The following PRKG2 variants were observed in gnomAD, a reference collection of about 807,000 sequenced individuals.
The protein encoded by PRKG2 is protein kinase cGMP-dependent 2, also known as cGMP-dependent protein kinase 2.
In PRKG2, 33 loss-of-function variants were observed where a neutral mutation model predicts 97.2. The observed-to-expected ratio is 0.34, with a 90% CI of 0.26 to 0.45. The LOEUF (loss-of-function observed/expected upper bound fraction) is 0.45. Ranked by LOEUF, PRKG2 falls within the 20% of genes least tolerant of loss-of-function variation. The pLI is 1.00. For synonymous variants in PRKG2, 330 were observed against 321.8 expected (o/e 1.03, Z -0.27); for missense variants, 638 against 900.0 (o/e 0.71, Z 3.73).
chr4:81,117,010 T>TTTTTTTTAG (rs1744607499), intron 14 of PRKG2, among the ~76,000 whole-genome samples: 1 of 143,858 alleles, frequency 7.0e-6, no homozygotes, highest in African/African-American at 2.7e-5. Flanking sequence ...TTTTTTTTTT[T>TTTTTTTTAG]GAGACAGGGT....
intron 2 of PRKG2, among the ~76,000 whole-genome samples, chr4:81,199,124 TAAAA>T (rs1753139773): frequency 6.6e-6 from 1 of 152,170 alleles, no homozygotes; most frequent in African/African-American, 2.4e-5. Context: ...TATACACTCT[TAAAA>T]ATCTTTAATT....
intron 17 of PRKG2, among the ~76,000 whole-genome samples, chr4:81,102,872 C>A (rs1465070594): frequency 1.3e-5 from 2 of 152,220 alleles, no homozygotes; most frequent in Non-Finnish European, 2.9e-5. Context: ...TATGTTCATA[C>A]CATGTTGATG....
intron 1 of PRKG2, among the ~76,000 whole-genome samples, chr4:81,208,237 T>TA (rs1419487308): frequency 1.3e-5 from 2 of 152,186 alleles, no homozygotes; most frequent in African/African-American, 4.8e-5. Flanking sequence ...CTATGATTAT[T>TA]ACGTTTGTAA....
At chr4:81,157,704 C>T (rs1446604241) in intron 6 of PRKG2, among the ~76,000 whole-genome samples, 1 of 151,924 alleles carries the variant, frequency 6.6e-6, no homozygotes, top group Non-Finnish European at 1.5e-5. Flanking sequence ...AAACCGAATC[C>T]AGCAGCACAT....
intron 6 of PRKG2, 34 bp from the exon 7 acceptor site, chr4:81,153,755 C>A (rs751875331): frequency 1.3e-6 from 2 of 1,516,340 alleles, no homozygotes; most frequent in South Asian, 2.3e-5. Context: ...AATGTAAGAG[C>A]GGGTGGAGCC....
chr4:81,174,634 CCAT>C (rs1750766436), intron 3 of PRKG2, among the ~76,000 whole-genome samples, 156 bp downstream of exon 3: 1 of 152,048 alleles, frequency 6.6e-6, no homozygotes, highest in Non-Finnish European at 1.5e-5. Flanking sequence ...TTAAACATTA[CCAT>C]CATCATGATT....
chr4:81,092,141 G>A (rs1004463722), intron 18 of PRKG2, among the ~76,000 whole-genome samples: 3 of 151,598 alleles, frequency 2.0e-5, no homozygotes. Context: ...GACTACTTTG[G>A]GACTTAAGTG....
intron 17 of PRKG2, among the ~76,000 whole-genome samples, chr4:81,098,320 G>T (rs867458566): frequency 1.0e-5 from 1 of 99,768 alleles, no homozygotes; most frequent in African/African-American, 1.2e-4. Context: ...GTGATCGTGT[G>T]AGTTAATAAA....
At chr4:81,205,720 A>T (rs1419654343) in intron 1 of PRKG2, among the ~76,000 whole-genome samples, 1 of 152,238 alleles carries the variant, frequency 6.6e-6, no homozygotes, top group Non-Finnish European at 1.5e-5. Context: ...TCCAAAGTGG[A>T]GGATCTCCAA....
At chr4:81,137,614 C>G in intron 12 of PRKG2, 132 bp from the exon 13 acceptor site, 1 of 671,442 alleles carries the variant, frequency 1.5e-6, no homozygotes. Context: ...CACAACTACA[C>G]TGGGCTTCTC....
chr4:81,175,540 A>G (rs947736785), intron 2 of PRKG2: 1 of 152,110 alleles, frequency 6.6e-6, no homozygotes, highest in Non-Finnish European at 1.5e-5. Context: ...ATTCCATCCC[A>G]TTGTCTCTTC....
intron 2 of PRKG2, among the ~76,000 whole-genome samples, chr4:81,177,902 C>T (rs895754973): frequency 6.6e-6 from 1 of 151,850 alleles, no homozygotes; most frequent in African/African-American, 2.4e-5. Context: ...ACAGTCTCCT[C>T]AGCATTTCCT....
At chr4:81,134,544 C>T (rs1028281283) in intron 14 of PRKG2, among the ~76,000 whole-genome samples, 3 of 152,150 alleles carry the variant, frequency 2.0e-5, no homozygotes, top group Non-Finnish European at 4.4e-5. Context: ...TAGCTTCTCA[C>T]TGAAAGCAGT....
At chr4:81,173,779 A>C (rs1750687577) in intron 3 of PRKG2, 1 of 152,040 alleles carries the variant, frequency 6.6e-6, no homozygotes, top group South Asian at 2.1e-4. Flanking sequence ...TCTGCCTCAC[A>C]CTTAAGGCCC....
chr4:81,170,188 T>C (rs549555820), intron 4 of PRKG2, among the ~76,000 whole-genome samples: 58 of 152,238 alleles, frequency 3.8e-4, no homozygotes, highest in Non-Finnish European at 6.6e-4. Context: ...TATGTGTGTG[T>C]TTTTATGTGT....
chr4:81,186,996 C>CAA (rs112768085), intron 2 of PRKG2, among the ~76,000 whole-genome samples: 7 of 151,820 alleles, frequency 4.6e-5, no homozygotes, highest in Admixed American at 1.3e-4. Flanking sequence ...GCCTACCAAT[C>CAA]AAAAAAAGCC....
chr4:81,181,922 G>A (rs1751447626), intron 2 of PRKG2, among the ~76,000 whole-genome samples: 1 of 151,656 alleles, frequency 6.6e-6, no homozygotes, highest in Non-Finnish European at 1.5e-5. Context: ...TACCAAACCT[G>A]AGCCAAGAGG....
intron 6 of PRKG2, among the ~76,000 whole-genome samples, chr4:81,165,468 TA>T (rs1401398341): frequency 6.6e-6 from 1 of 152,180 alleles, no homozygotes; most frequent in Non-Finnish European, 1.5e-5. Flanking sequence ...AATGATGCAG[TA>T]GTGATTGGCT....
At chr4:81,201,040 C>T (rs926006839) in intron 2 of PRKG2, among the ~76,000 whole-genome samples, 4 of 152,106 alleles carry the variant, frequency 2.6e-5, no homozygotes, top group Non-Finnish European at 4.4e-5. Context: ...TTTTCTGTGG[C>T]GTTGTCCTAA....
Sources: allele counts gnomAD v4.1 joint callset (sites outside exome capture counted in the v4.1 genomes callset), GRCh38; gene constraint gnomAD v4.1.1; transcripts MANE v1.5; gene names NCBI Gene and HGNC (gene_info 2026-07-23, HGNC 2026-07-21).